The following MAP4K4 variants were observed in gnomAD, a reference collection of about 807,000 sequenced individuals.
MAP4K4 encodes the protein HPK/GCK-like kinase HGK.
MAP4K4 carries 38 observed loss-of-function variants against 189.6 expected under a neutral mutation model. The ratio of observed to expected loss-of-function variants is 0.20; its 90% CI spans 0.15 to 0.26. The LOEUF (loss-of-function observed/expected upper bound fraction) is 0.26, where lower values mean the gene tolerates loss of function less well. Among genes scored for constraint, MAP4K4 ranks in the 10% least tolerant of loss-of-function variants. The pLI, the probability that MAP4K4 is intolerant of heterozygous loss-of-function variation, is 1.00. For missense variants in MAP4K4, 1,054 were observed against 1,726.9 expected (o/e 0.61, Z 6.91); for synonymous variants, 610 against 624.3 (o/e 0.98, Z 0.34).
In MAP4K4 at chr2:101,867,912, G is replaced by A. The variant is rs1398829997; in HGVS notation, c.2455-117G>A. ...AAGCCTGTCAGAGTTTTCATTTCCT[G>A]CTTGAACTGATTTCTGTACTTCTCC... is the stretch of plus-strand genomic sequence containing the variant. On this transcript the variant is annotated intron_variant, in intron 20 of 32. Transcript: ENST00000324219. The A allele has an allele frequency of 1.1e-5, 11 of 985,420 alleles. No individual in the cohort carries two copies. In the Admixed American group the frequency reaches 2.2e-4, roughly 20 times the overall value. The allele number at this position is 985,420 out of a possible 1,614,324, so 61.0% of individuals were successfully genotyped here. A position where few individuals can be genotyped will look rare whatever the true frequency, so the allele number is the denominator to read the frequency against.
At chr2:101,753,868 T>A (rs1226488594) in intron 2 of MAP4K4, among the ~76,000 whole-genome samples, 1 of 152,126 alleles carries the variant, frequency 6.6e-6, no homozygotes, top group Non-Finnish European at 1.5e-5. Context: ...AAATGGCTCT[T>A]TCAGGTTGAC....
intron 2 of MAP4K4, among the ~76,000 whole-genome samples, chr2:101,714,788 A>G (rs894822325): frequency 5.3e-5 from 8 of 152,224 alleles, no homozygotes; most frequent in African/African-American, 1.9e-4. Flanking sequence ...AAAAGAATGT[A>G]TCTAAGATTT....
chr2:101,830,796 G>A (rs989872364), intron 6 of MAP4K4, among the ~76,000 whole-genome samples: 16 of 152,134 alleles, frequency 1.1e-4, no homozygotes, highest in African/African-American at 3.6e-4. Flanking sequence ...CTTCCAAGTT[G>A]CTGTGATGCT....
At chr2:101,796,855 A>G (rs1264129058) in intron 3 of MAP4K4, among the ~76,000 whole-genome samples, 1 of 152,200 alleles carries the variant, frequency 6.6e-6, no homozygotes, top group Non-Finnish European at 1.5e-5. Context: ...GATATGTGGA[A>G]GTAAAAGCTG....
At chr2:101,703,994 G>A (rs1490883929) in intron 2 of MAP4K4, among the ~76,000 whole-genome samples, 1 of 152,120 alleles carries the variant, frequency 6.6e-6, no homozygotes. Flanking sequence ...TAGCCTGGGT[G>A]ACAGAGCCAG....
At chr2:101,787,480 G>C (rs2091718667) in intron 2 of MAP4K4, among the ~76,000 whole-genome samples, 1 of 152,190 alleles carries the variant, frequency 6.6e-6, no homozygotes, top group Non-Finnish European at 1.5e-5. Context: ...TGCCAGGAGA[G>C]GTGTGCTAAG....
chr2:101,732,066 T>A (rs1265077420), intron 2 of MAP4K4, among the ~76,000 whole-genome samples: 1 of 152,186 alleles, frequency 6.6e-6, no homozygotes, highest in Non-Finnish European at 1.5e-5. Flanking sequence ...TATGGTAACA[T>A]GTATGTAAAA....
chr2:101,751,117 T>C (rs1291262670), intron 2 of MAP4K4, among the ~76,000 whole-genome samples: 1 of 152,184 alleles, frequency 6.6e-6, no homozygotes, highest in Non-Finnish European at 1.5e-5. Context: ...GAAAGTATGA[T>C]GGGGTTTTAA....
intron 12 of MAP4K4, among the ~76,000 whole-genome samples, chr2:101,845,423 C>G (rs2097071907): frequency 6.6e-6 from 1 of 152,070 alleles, no homozygotes; most frequent in Non-Finnish European, 1.5e-5. Context: ...GGGATACATT[C>G]TGAGAAATGC....
At chr2:101,882,218 T>TA (rs2098409589) in intron 27 of MAP4K4, among the ~76,000 whole-genome samples, 1 of 152,252 alleles carries the variant, frequency 6.6e-6, no homozygotes, top group Non-Finnish European at 1.5e-5. Context: ...ATCATCTTAT[T>TA]ACTGTTTTAA....
chr2:101,749,238 C>A (rs1486214469), intron 2 of MAP4K4, among the ~76,000 whole-genome samples: 1 of 151,940 alleles, frequency 6.6e-6, no homozygotes, highest in East Asian at 1.9e-4. Flanking sequence ...CTGGAGGCAT[C>A]ACGCTACCTG....
chr2:101,803,430 G>A (rs10496360), intron 3 of MAP4K4, among the ~76,000 whole-genome samples: 36,605 of 152,102 alleles, frequency 0.24, 5,397 homozygotes, highest in Non-Finnish European at 0.31. Flanking sequence ...TTGGAAAGAA[G>A]GTTTTAGATA....
intron 21 of MAP4K4, 54 bp downstream of exon 21, chr2:101,868,091 C>CGG: frequency 6.3e-7 from 1 of 1,598,774 alleles, no homozygotes; most frequent in Non-Finnish European, 8.5e-7. Context: ...GACCGCCTGT[C>CGG]AGCTCAGCTT....
chr2:101,860,164 G>A (rs1394497610), intron 15 of MAP4K4: 3 of 440,322 alleles, frequency 6.8e-6, no homozygotes, highest in Non-Finnish European at 1.3e-5. Context: ...ATGTGGATGA[G>A]GGAAAGAGTG....
At position 101,855,973 on chromosome 2, in the gene MAP4K4, G is replaced by A. The variant is rs771515100; in HGVS notation, c.1234-4G>A. ...CTGGTAATTATACATTTTTACTTACGTAGCAACAAAGGAGAGAGCGGGAAG... is the reference window on the plus strand; with the variant it reads ...CTGGTAATTATACATTTTTACTTACATAGCAACAAAGGAGAGAGCGGGAAG... On this transcript the variant is annotated splice_region_variant and splice_polypyrimidine_tract_variant and intron_variant, in intron 12 of 32. Transcript: ENST00000324219. 12 of 1,541,200 alleles carry A rather than the reference G, an allele frequency of 7.8e-6. No homozygotes were observed. In the South Asian group the frequency reaches 8.5e-5, roughly 11 times the overall value.
chr2:101,842,588 A>G (rs2096955708), intron 10 of MAP4K4, 21 bp from the exon 11 acceptor site: 1 of 1,568,940 alleles, frequency 6.4e-7, no homozygotes, highest in Non-Finnish European at 8.7e-7. Flanking sequence ...TGTCCCATTT[A>G]TCTTGTCCTT....
intron 2 of MAP4K4, among the ~76,000 whole-genome samples, chr2:101,775,917 C>T (rs145699168): frequency 7.9e-5 from 12 of 152,340 alleles, no homozygotes; most frequent in Non-Finnish European, 1.3e-4. Flanking sequence ...GTGTCTGCTA[C>T]TTGGGCTTCT....
intron 2 of MAP4K4, among the ~76,000 whole-genome samples, chr2:101,722,710 C>T (rs770890627): frequency 3.9e-5 from 6 of 152,152 alleles, no homozygotes; most frequent in Non-Finnish European, 8.8e-5. Context: ...TACTAGAGGT[C>T]ACTTTCTAAA....
chr2:101,708,239 GT>G (rs1483692168), intron 2 of MAP4K4, among the ~76,000 whole-genome samples: 1 of 152,136 alleles, frequency 6.6e-6, no homozygotes, highest in African/African-American at 2.4e-5. Context: ...AGTCCACCAT[GT>G]TTAACCAAAA....
Sources: allele counts gnomAD v4.1 joint callset (sites outside exome capture counted in the v4.1 genomes callset), GRCh38; gene constraint gnomAD v4.1.1; transcripts MANE v1.5; gene names NCBI Gene and HGNC (gene_info 2026-07-23, HGNC 2026-07-21).